The following WNT3 variants were observed in gnomAD, a reference collection of about 807,000 sequenced individuals.
WNT3 encodes the protein Wnt family member 3.
Under a neutral mutation model 34.2 loss-of-function variants are expected in WNT3, and 7 were observed. That is an observed-to-expected ratio of 0.20 (90% confidence interval 0.12 to 0.38). The LOEUF is 0.38. Ranked by LOEUF, WNT3 falls within the 10% of genes least tolerant of loss-of-function variation. WNT3 has a pLI of 1.00. For synonymous variants in WNT3, 212 were observed against 211.5 expected, an observed-to-expected ratio of 1.00 and a Z score of -0.02; for missense variants, 267 against 499.8, an observed-to-expected ratio of 0.53 and a Z score of 4.44.
intron 1 of WNT3, among the ~76,000 whole-genome samples, chr17:46,794,512 T>G (rs763395964): frequency 2.0e-5 from 3 of 152,156 alleles, no homozygotes; most frequent in Non-Finnish European, 4.4e-5. Context: ...AAGAACATAG[T>G]CAGCTCTGAG....
chr17:46,794,040 G>A (rs935588238), intron 1 of WNT3, among the ~76,000 whole-genome samples: 2 of 152,138 alleles, frequency 1.3e-5, no homozygotes, highest in Admixed American at 1.3e-4. Context: ...AGTGTCACAC[G>A]GTGAAATCTA....
Position 46,764,997 on chromosome 17 carries a change from C to G in WNT3, c.*9-376G>C, listed in dbSNP as rs548433047. Among the ~76,000 whole-genome samples the G allele has an allele frequency of 6.6e-5, 10 of 152,364 alleles. No individual in the cohort carries two copies. In the East Asian group the frequency reaches 1.5e-3, roughly 23 times the overall value. The stretch of plus-strand genomic sequence containing the variant: ...ACTGCTGTGCTGGGCTCACGCCAGG[C>G]ATGCACTGTGTTTTTGTACCGCACC... On this transcript the variant is annotated intron_variant, in intron 4 of 4. Coordinates refer to ENST00000225512, the MANE Select transcript of WNT3 (RefSeq NM_030753.5).
chr17:46,779,107 C>CT (rs2059439001), intron 1 of WNT3, among the ~76,000 whole-genome samples: 1 of 46,870 alleles, frequency 2.1e-5, no homozygotes, highest in African/African-American at 8.5e-5. Flanking sequence ...ACACACACCC[C>CT]AGCCCACTCG....
At chr17:46,783,140 T>A (rs1335431830) in intron 1 of WNT3, among the ~76,000 whole-genome samples, 1 of 152,170 alleles carries the variant, frequency 6.6e-6, no homozygotes, top group Non-Finnish European at 1.5e-5. Context: ...GGAGCACCCT[T>A]GCCTATGTCT....
intron 1 of WNT3, among the ~76,000 whole-genome samples, chr17:46,786,703 GCT>G (rs2059509427): frequency 1.3e-5 from 2 of 152,324 alleles, no homozygotes; most frequent in Non-Finnish European, 2.9e-5. Flanking sequence ...GGGGTGCCGT[GCT>G]CTCTGTTACT....
At position 46,768,213 on chromosome 17, in the gene WNT3, T is replaced by A; in HGVS notation, c.*8+99A>T. 6.5e-7 allele frequency: 1 copy of A among 1,547,926 alleles called. No individual in the cohort carries two copies. Among genetic ancestry groups the A allele is most frequent in the Non-Finnish European group, 8.8e-7 (1 of 1,142,832 alleles). Reference sequence around the variant, plus strand: ...TGGGAACTTGTGTGTCTTGGATAGCTTAGAAACAGAAGGGGGTCGTCAAGA... The same window carrying A: ...TGGGAACTTGTGTGTCTTGGATAGCATAGAAACAGAAGGGGGTCGTCAAGA... On this transcript the variant is annotated intron_variant, in intron 4 of 4. Transcript: ENST00000225512. This position sits in a 1 kb window ranked among gnomAD's most constrained non-coding sequence, Gnocchi z 5.0.
chr17:46,812,947 G>A (rs528608386), intron 1 of WNT3, among the ~76,000 whole-genome samples: 1 of 152,284 alleles, frequency 6.6e-6, no homozygotes, highest in South Asian at 2.1e-4. Context: ...TACAGATGAG[G>A]AAACTGAGGC....
At position 46,769,894 on chromosome 17, in the gene WNT3, G is replaced by A. The variant is rs2059348378; in HGVS notation, c.477C>T (p.Ser159=). 1 of 1,613,558 alleles carries A rather than the reference G, an allele frequency of 6.2e-7. No individual in the cohort carries two copies. The highest frequency in any genetic ancestry group is 2.2e-5 in the East Asian group (1 of 44,884). ...PGEGWKWGGC[S]EDADFGVLVS... The stretch of plus-strand genomic sequence containing the variant: ...CTAACACGCCGAAGTCAGCGTCCTC[G>A]CTGCAGCCGCCCCACTTCCAGCCTT... Residue 159 remains serine (S), a synonymous_variant, in exon 3 of 5, where the codon AGC becomes AGT. Coordinates refer to ENST00000225512, the MANE Select transcript of WNT3 (RefSeq NM_030753.5).
chr17:46,788,755 G>A lies in WNT3; in HGVS notation c.81-14846C>T, dbSNP rs186629105. 1.9e-4 allele frequency among the ~76,000 whole-genome samples: 29 copies of A among 150,304 alleles called. No homozygotes were observed. The East Asian group carries it at 3.5e-3, about 18-fold the overall frequency. On this transcript the variant is annotated intron_variant, in intron 1 of 4. Coordinates refer to ENST00000225512, the MANE Select transcript of WNT3 (RefSeq NM_030753.5). The stretch of plus-strand genomic sequence containing the variant: ...AGTGGCCCTGCGAGGACCTCCCTGC[G>A]AGGACCTCCCTGCCTCCTTTCCCTG...
chr17:46,769,299 G>A, intron 3 of WNT3, among the ~76,000 whole-genome samples: 1 of 142,414 alleles, frequency 7.0e-6, no homozygotes, highest in Middle Eastern at 4.0e-3. Flanking sequence ...CTGGGCGACT[G>A]AGCGAGACTC....
intron 1 of WNT3, among the ~76,000 whole-genome samples, chr17:46,809,618 C>T (rs538946163): frequency 2.2e-4 from 33 of 152,380 alleles, no homozygotes; most frequent in Non-Finnish European, 4.3e-4. Context: ...CCCCTTCCAG[C>T]TGGCAGCCCT....
chr17:46,767,764 C>A (rs1199346693), intron 4 of WNT3, among the ~76,000 whole-genome samples: 2 of 152,034 alleles, frequency 1.3e-5, no homozygotes, highest in East Asian at 3.8e-4. Context: ...TGTGCACACA[C>A]TGAATTTTGT....
chr17:46,789,548 G>A (rs2083953314), intron 1 of WNT3, among the ~76,000 whole-genome samples: 1 of 152,004 alleles, frequency 6.6e-6, no homozygotes, highest in African/African-American at 2.4e-5. Context: ...GATGTTCTTT[G>A]GCCAAAGACG....
Position 46,769,824 on chromosome 17 carries a change from G to C in WNT3, c.547C>G (p.Arg183Gly). 6.2e-7 allele frequency: 1 copy of C among 1,613,038 alleles called. No homozygotes were observed. The highest frequency in any genetic ancestry group is 8.5e-7 in the Non-Finnish European group (1 of 1,179,880). The change falls in exon 3 of 5, where the codon CGC (arginine) becomes GGC (glycine). Residue 183 changes from arginine (R) to glycine (G), a missense_variant. Transcript: ENST00000225512. ...ADARENRPDARSAMNKHNNEA... is the reference protein window; with the variant it reads ...ADARENRPDAGSAMNKHNNEA... Reference sequence around the variant, plus strand: ...TTGTTGTGCTTGTTCATGGCCGAGCGCGCGTCCGGCCTGTTCTCGCGCGCA... The same window carrying C: ...TTGTTGTGCTTGTTCATGGCCGAGCCCGCGTCCGGCCTGTTCTCGCGCGCA...
chr17:46,776,839 G>C (rs1055544465), intron 1 of WNT3, among the ~76,000 whole-genome samples: 1 of 152,142 alleles, frequency 6.6e-6, no homozygotes, highest in Non-Finnish European at 1.5e-5. Flanking sequence ...AGCTGAGGCG[G>C]GAGTGAGAGG....
chr17:46,773,897 C>T lies in WNT3; in HGVS notation c.93G>A (p.Leu31=). Residue 31 remains leucine, a synonymous_variant, in exon 2 of 5, where the codon CTG becomes CTA. Coordinates refer to ENST00000225512, the MANE Select transcript of WNT3 (RefSeq NM_030753.5). The part of the protein sequence containing the change: ...AGYPIWWSLA[L]GQQYTSLGSQ... ...AGCCCAGAGATGTGTACTGCTGGCC[C>T]AGGGCCAGGGACCTGCAGGCAGACA... The T allele has an allele frequency of 6.2e-7, 1 of 1,611,792 alleles. No individual in the cohort carries two copies. Among genetic ancestry groups the T allele is most frequent in the Non-Finnish European group, 8.5e-7 (1 of 1,179,902 alleles).
Position 46,818,542 on chromosome 17 carries a change from A to T in WNT3, c.56T>A (p.Val19Asp). 6.2e-7 allele frequency: 1 copy of T among 1,608,646 alleles called. No individual in the cohort carries two copies. Among genetic ancestry groups the T allele is most frequent in the Non-Finnish European group, 8.5e-7 (1 of 1,178,436 alleles). The part of the protein sequence containing the change: ...LLGLLLGGTR[V>D]LAGYPIWWSL... The stretch of plus-strand genomic sequence containing the variant: ...CCACCAAATTGGGTAGCCAGCGAGG[A>T]CCCTGGTGCCACCGAGCAGGAGGCC... Residue 19 changes from valine (V) to aspartate (D), a missense_variant, in exon 1 of 5, where the codon GTC becomes GAC. Coordinates refer to ENST00000225512, the MANE Select transcript of WNT3 (RefSeq NM_030753.5).
At chr17:46,795,292 T>A (rs777735139) in intron 1 of WNT3, among the ~76,000 whole-genome samples, 14 of 152,044 alleles carry the variant, frequency 9.2e-5, no homozygotes, top group Non-Finnish European at 1.5e-4. Context: ...CATGTCTCAC[T>A]CCCCTGGTGT....
chr17:46,795,201 C>T (rs1400087866), intron 1 of WNT3, among the ~76,000 whole-genome samples: 1 of 152,130 alleles, frequency 6.6e-6, no homozygotes, highest in Non-Finnish European at 1.5e-5. Context: ...GGCTTGTCTG[C>T]TCCCCCATAA....
Sources: allele counts gnomAD v4.1 joint callset (sites outside exome capture counted in the v4.1 genomes callset), GRCh38; gene constraint gnomAD v4.1.1; non-coding constraint Gnocchi (gnomAD v3.1); transcripts MANE v1.5; gene names NCBI Gene and HGNC (gene_info 2026-07-23, HGNC 2026-07-21).